Variants in ANK2 observed in about 807,000 individuals in gnomAD.
ANK2 encodes the protein ankyrin 2.
Under a neutral mutation model 360.5 loss-of-function variants are expected in ANK2, and 83 were observed. The observed-to-expected ratio is 0.23, with a 90% CI of 0.19 to 0.28. The LOEUF (loss-of-function observed/expected upper bound fraction) is 0.28, where lower values mean the gene tolerates loss of function less well. Ranked by LOEUF, ANK2 falls within the 10% of genes least tolerant of loss-of-function variation. ANK2 has a pLI of 1.00. For missense variants in ANK2, 4,201 were observed against 4,795.7 expected, an observed-to-expected ratio of 0.88 and a Z score of 3.66; for synonymous variants, 1,740 against 1,759.5, an observed-to-expected ratio of 0.99 and a Z score of 0.28.
At chr4:113,066,845 G>A (rs1036347819) in intron 1 of ANK2, among the ~76,000 whole-genome samples, 22 of 152,132 alleles carry the variant, frequency 1.4e-4, no homozygotes, top group African/African-American at 5.3e-4. Context: ...CTGTGTCTCA[G>A]CTGCCTCATC....
chr4:113,008,588 G>A (rs566658519), intron 2 of ANK2, among the ~76,000 whole-genome samples: 2 of 152,032 alleles, frequency 1.3e-5, no homozygotes, highest in Non-Finnish European at 2.9e-5. Context: ...ATAAGCCTTT[G>A]GTATGTGGTG....
At chr4:113,266,952 C>A (rs1301852826) in intron 14 of ANK2, among the ~76,000 whole-genome samples, 1 of 151,862 alleles carries the variant, frequency 6.6e-6, no homozygotes, top group African/African-American at 2.4e-5. Flanking sequence ...TTCTAACTGG[C>A]ATGAGATCAT....
intron 2 of ANK2, among the ~76,000 whole-genome samples, chr4:112,986,375 T>A (rs1435651541): frequency 6.6e-6 from 1 of 152,236 alleles, no homozygotes; most frequent in Non-Finnish European, 1.5e-5. Flanking sequence ...TGAAGCCATG[T>A]GTTTTGGTAA....
intron 2 of ANK2, among the ~76,000 whole-genome samples, chr4:112,996,110 A>G (rs1445658093): frequency 6.6e-6 from 1 of 152,228 alleles, no homozygotes; most frequent in Non-Finnish European, 1.5e-5. Flanking sequence ...AAAAAAGATA[A>G]ACTATTAATA....
chr4:112,781,110 G>T, the ANK2 span, among the ~76,000 whole-genome samples: 1 of 151,988 alleles, frequency 6.6e-6, no homozygotes, highest in African/African-American at 2.4e-5. Context: ...AGTGATTATT[G>T]TGCCTCAGCC....
chr4:113,379,494 C>A (rs1025314034), intron 45 of ANK2, among the ~76,000 whole-genome samples: 9 of 152,168 alleles, frequency 5.9e-5, no homozygotes, highest in African/African-American at 2.2e-4. Flanking sequence ...CATTTGCCTA[C>A]ACAGAATATC....
At chr4:113,071,501 T>C (rs2077528631) in intron 1 of ANK2, among the ~76,000 whole-genome samples, 2 of 152,200 alleles carry the variant, frequency 1.3e-5, no homozygotes, top group Non-Finnish European at 2.9e-5. Flanking sequence ...CTTGCTTCTC[T>C]TCCGAGACTC....
At chr4:112,870,949 A>G (rs2072771343) in intron 1 of ANK2, among the ~76,000 whole-genome samples, 1 of 152,160 alleles carries the variant, frequency 6.6e-6, no homozygotes, top group South Asian at 2.1e-4. Flanking sequence ...TTAGGTCCTC[A>G]TTGATTTCTT....
At chr4:112,970,389 C>T (rs746595491) in intron 2 of ANK2, among the ~76,000 whole-genome samples, 5 of 151,936 alleles carry the variant, frequency 3.3e-5, no homozygotes, top group Non-Finnish European at 7.4e-5. Context: ...TAGTCTCATT[C>T]CATCACCCAG....
intron 30 of ANK2, 106 bp from the exon 31 acceptor site, chr4:113,336,471 G>GGT (rs1399586261): frequency 9.2e-7 from 1 of 1,084,630 alleles, no homozygotes; most frequent in African/African-American, 2.2e-5. Flanking sequence ...TTATTTGTAA[G>GGT]ATAAAAAATA....
At chr4:112,974,462 C>T (rs559148094) in intron 2 of ANK2, among the ~76,000 whole-genome samples, 4 of 151,988 alleles carry the variant, frequency 2.6e-5, no homozygotes, top group Non-Finnish European at 5.9e-5. Context: ...AATCACACAT[C>T]AAAAAACAGA....
chr4:112,869,682 G>C (rs1560870475), intron 1 of ANK2, among the ~76,000 whole-genome samples: 1 of 152,060 alleles, frequency 6.6e-6, no homozygotes, highest in East Asian at 1.9e-4. Flanking sequence ...TGATTATTAT[G>C]ATTATTATTT....
intron 2 of ANK2, among the ~76,000 whole-genome samples, chr4:113,022,302 T>C (rs2058348001): frequency 6.6e-6 from 1 of 152,208 alleles, no homozygotes; most frequent in Non-Finnish European, 1.5e-5. Flanking sequence ...ATTACTTCTA[T>C]TAAAATCAAT....
intron 2 of ANK2, among the ~76,000 whole-genome samples, chr4:112,972,424 T>C (rs1240142687): frequency 2.0e-5 from 3 of 152,106 alleles, no homozygotes; most frequent in East Asian, 1.9e-4. Flanking sequence ...ACTACTGTTA[T>C]TATGTAAAAT....
intron 2 of ANK2, among the ~76,000 whole-genome samples, chr4:113,015,542 T>C (rs184238584): frequency 2.0e-5 from 3 of 152,306 alleles, no homozygotes; most frequent in African/African-American, 7.2e-5. Context: ...AAAATATTAG[T>C]ATTAGTTTTC....
intron 2 of ANK2, among the ~76,000 whole-genome samples, chr4:112,990,089 G>T (rs1341879729): frequency 6.6e-6 from 1 of 152,086 alleles, no homozygotes; most frequent in African/African-American, 2.4e-5. Context: ...TGAGAAAGTA[G>T]TGAGACCCCG....
At chr4:113,340,679 A>C (rs1441508010) in intron 32 of ANK2, among the ~76,000 whole-genome samples, 1 of 152,074 alleles carries the variant, frequency 6.6e-6, no homozygotes. Context: ...CCTGGGCGAC[A>C]GAGACGTTGT....
chr4:113,254,832 G>A (rs1178776932), intron 10 of ANK2, among the ~76,000 whole-genome samples: 1 of 152,098 alleles, frequency 6.6e-6, no homozygotes, highest in East Asian at 1.9e-4. Context: ...TGGATACTTG[G>A]CGAACAATCC....
intron 9 of ANK2, among the ~76,000 whole-genome samples, chr4:113,248,178 G>C (rs2044081106): frequency 6.6e-6 from 1 of 152,084 alleles, no homozygotes; most frequent in Non-Finnish European, 1.5e-5. Context: ...TATCAGTCAA[G>C]GTCCTAGCCA....
Sources: allele counts gnomAD v4.1 joint callset (sites outside exome capture counted in the v4.1 genomes callset), GRCh38; gene constraint gnomAD v4.1.1; transcripts MANE v1.5; gene names NCBI Gene and HGNC (gene_info 2026-07-23, HGNC 2026-07-21).